Variants in CERT1 observed in about 807,000 individuals in gnomAD.
The protein encoded by CERT1 is ceramide transfer protein.
CERT1 carries 31 observed loss-of-function variants against 87.9 expected under a neutral mutation model. The ratio of observed to expected loss-of-function variants is 0.35; its 90% CI spans 0.27 to 0.48. CERT1 has a LOEUF of 0.48. CERT1 is among the 20% of genes least tolerant of loss of function. The probability of loss-of-function intolerance (pLI) is 0.99; values close to 1 mark genes in which losing one functional copy is unlikely to be tolerated. For synonymous variants in CERT1, 289 were observed against 250.9 expected (o/e 1.15, Z -1.44); for missense variants, 487 against 758.0 (o/e 0.64, Z 4.20).
In CERT1 at chr5:75,381,890, C is replaced by A. The variant is rs546906081; in HGVS notation, c.1617+59G>T. 21 of 1,474,990 alleles carry A rather than the reference C, an allele frequency of 1.4e-5. No individual in the cohort carries two copies. The African/African-American group carries it at 3.0e-4, about 21-fold the overall frequency. The allele number at this position is 1,474,990 out of a possible 1,614,324, so 91.4% of individuals were successfully genotyped here. ...TGGGCTGTGTTTATCATTTTTGTCC[C>A]GCATTGTGTATTTAGCTTTATATTG... On this transcript the variant is annotated intron_variant, in intron 15 of 16. Coordinates refer to ENST00000643780, the MANE Select transcript of CERT1 (RefSeq NM_001379029.1).
In CERT1 at chr5:75,505,979, T is replaced by C; in HGVS notation, c.231+3A>G. On this transcript the variant is annotated splice_donor_region_variant and intron_variant, in intron 2 of 16. Transcript: ENST00000643780. ...TGTTGAATGAAGAAGAAAAGGAACT[T>C]ACTGTGATGACAGCCTTGCTAAGAC... The C allele has an allele frequency of 1.2e-6, 2 of 1,612,110 alleles. No homozygotes were observed. Among genetic ancestry groups the C allele is most frequent in the Non-Finnish European group, 1.7e-6 (2 of 1,178,616 alleles).
In CERT1 at chr5:75,430,844, C is replaced by A. The variant is rs147880478; in HGVS notation, c.349-4366G>T. Among the ~76,000 whole-genome samples, 707 of 152,238 alleles carry A rather than the reference C, an allele frequency of 4.6e-3. 5 individuals are homozygous for A. The highest frequency in any genetic ancestry group is 0.016 in the African/African-American group (674 of 41,550). On this transcript the variant is annotated intron_variant, in intron 3 of 16. Coordinates refer to ENST00000643780, the MANE Select transcript of CERT1 (RefSeq NM_001379029.1). ...TTAATCCCAGGAGTTCAAGACCAGC[C>A]TGAGCAATAAAGCGAGACACCATCT...
intron 2 of CERT1, among the ~76,000 whole-genome samples, chr5:75,497,706 G>T (rs917078878): frequency 1.3e-5 from 2 of 152,070 alleles, no homozygotes; most frequent in Non-Finnish European, 2.9e-5. Context: ...CAGCCAAGCA[G>T]AACTGTGAGT....
chr5:75,411,243 G>A (rs1580733146), intron 7 of CERT1, 140 bp from the exon 8 acceptor site: 1 of 584,766 alleles, frequency 1.7e-6, no homozygotes, highest in Non-Finnish European at 3.0e-6. Context: ...AAAAATAAGA[G>A]TATTATTCTG....
chr5:75,492,676 G>A (rs1263798561), intron 2 of CERT1, among the ~76,000 whole-genome samples: 3 of 152,126 alleles, frequency 2.0e-5, no homozygotes, highest in South Asian at 2.1e-4. Context: ...CTTTTACATC[G>A]ATTGTTGAGA....
chr5:75,499,916 C>T lies in CERT1; in HGVS notation c.231+6066G>A, dbSNP rs190013154. On this transcript the variant is annotated intron_variant, in intron 2 of 16. Coordinates refer to ENST00000643780, the MANE Select transcript of CERT1 (RefSeq NM_001379029.1). ...ATGTTCAAGGCTTATCTCCCAGTAC[C>T]TCTGAATGTTACCTTGTTTGAAAAC... is the stretch of plus-strand genomic sequence containing the variant. 4.4e-4 allele frequency among the ~76,000 whole-genome samples: 67 copies of T among 152,294 alleles called. 1 individual carries two copies. Among genetic ancestry groups the T allele is most frequent in the Admixed American group, 4.0e-3 (61 of 15,296 alleles).
intron 3 of CERT1, among the ~76,000 whole-genome samples, chr5:75,430,919 T>C (rs932357616): frequency 1.3e-5 from 2 of 152,110 alleles, no homozygotes; most frequent in African/African-American, 2.4e-5. Flanking sequence ...TGTGCTCCTG[T>C]AGTCTCAGTT....
At chr5:75,394,152 T>C (rs1762152311) in intron 11 of CERT1, among the ~76,000 whole-genome samples, 2 of 152,202 alleles carry the variant, frequency 1.3e-5, no homozygotes, top group Non-Finnish European at 2.9e-5. Flanking sequence ...TGCTACTATA[T>C]CAATAGAAAA....
chr5:75,395,852 A>C (rs1280434509), intron 11 of CERT1, among the ~76,000 whole-genome samples: 1 of 152,072 alleles, frequency 6.6e-6, no homozygotes, highest in Non-Finnish European at 1.5e-5. Flanking sequence ...TCTGTCTCAA[A>C]AAAACCCAAA....
intron 3 of CERT1, among the ~76,000 whole-genome samples, chr5:75,453,226 G>T (rs749817405): frequency 1.3e-5 from 2 of 152,044 alleles, no homozygotes; most frequent in African/African-American, 4.8e-5. Context: ...AAACCATGAG[G>T]ATTTTAAGGG....
chr5:75,499,191 G>C (rs184366869), intron 2 of CERT1, among the ~76,000 whole-genome samples: 1 of 152,220 alleles, frequency 6.6e-6, no homozygotes, highest in African/African-American at 2.4e-5. Context: ...CCTTGTCTCA[G>C]ATGAGACTTT....
At chr5:75,481,662 T>C (rs1226955230) in intron 2 of CERT1, among the ~76,000 whole-genome samples, 2 of 152,212 alleles carry the variant, frequency 1.3e-5, no homozygotes, top group Admixed American at 1.3e-4. Flanking sequence ...GGAAAATATA[T>C]AGGAAAGCTA....
intron 2 of CERT1, among the ~76,000 whole-genome samples, chr5:75,504,322 G>A (rs1767551591): frequency 6.6e-6 from 1 of 151,988 alleles, no homozygotes; most frequent in Non-Finnish European, 1.5e-5. Context: ...AATAAATACT[G>A]AGCCTTTATG....
intron 3 of CERT1, among the ~76,000 whole-genome samples, chr5:75,451,496 GT>G (rs1764767839): frequency 6.6e-6 from 1 of 152,068 alleles, no homozygotes; most frequent in African/African-American, 2.4e-5. Flanking sequence ...TGGAGACTTG[GT>G]TCTAACACAC....
intron 3 of CERT1, among the ~76,000 whole-genome samples, chr5:75,438,456 A>C (rs573576040): frequency 6.6e-6 from 1 of 152,326 alleles, no homozygotes; most frequent in South Asian, 2.1e-4. Flanking sequence ...TAACTGATAC[A>C]GTGTTAAATG....
chr5:75,472,124 C>T (rs999283025), intron 2 of CERT1, among the ~76,000 whole-genome samples: 1 of 152,144 alleles, frequency 6.6e-6, no homozygotes, highest in African/African-American at 2.4e-5. Flanking sequence ...TAAATCCATG[C>T]ATTTACAACC....
At chr5:75,502,802 T>C (rs978712205) in intron 2 of CERT1, among the ~76,000 whole-genome samples, 4 of 152,140 alleles carry the variant, frequency 2.6e-5, no homozygotes, top group Non-Finnish European at 4.4e-5. Context: ...AAATATTCCA[T>C]AAACATTTGC....
At chr5:75,377,687 TCAAG>T (rs1389893982), downstream of CERT1, 2 of 152,222 alleles carry the variant, frequency 1.3e-5, no homozygotes. Flanking sequence ...ATTTGTTCAT[TCAAG>T]CATTAAAAAC....
At chr5:75,414,280 C>A (rs1763049406) in intron 7 of CERT1, among the ~76,000 whole-genome samples, 1 of 152,028 alleles carries the variant, frequency 6.6e-6, no homozygotes, top group African/African-American at 2.4e-5. Context: ...CATGAAGGAA[C>A]CTTCTAGGGT....
Sources: gnomAD v4.1 joint callset for allele counts (sites outside exome capture counted in the v4.1 genomes callset) on GRCh38, gnomAD v4.1.1 for gene constraint, MANE v1.5 for transcripts, NCBI Gene and HGNC (gene_info 2026-07-23, HGNC 2026-07-21) for gene names.